EPB41L1: variants seen among roughly 807,000 people sequenced by gnomAD.
The protein encoded by EPB41L1 is erythrocyte membrane protein band 4.1 like 1.
In EPB41L1, 29 loss-of-function variants were observed where a neutral mutation model predicts 97.8. The observed-to-expected ratio is 0.30, with a 90% CI of 0.22 to 0.40. The LOEUF (loss-of-function observed/expected upper bound fraction) is 0.40. Among genes scored for constraint, EPB41L1 ranks in the 10% least tolerant of loss-of-function variants. The pLI is 1.00. For synonymous variants in EPB41L1, 383 were observed against 459.2 expected, an observed-to-expected ratio of 0.83 and a Z score of 2.12; for missense variants, 812 against 1,162.3, an observed-to-expected ratio of 0.70 and a Z score of 4.38.
intron 3 of EPB41L1, among the ~76,000 whole-genome samples, chr20:36,176,545 C>T (rs2061239151): frequency 6.6e-6 from 1 of 152,112 alleles, no homozygotes. Context: ...GTGGCTTACT[C>T]CTGAGCCCTG....
chr20:36,118,863 C>T (rs891571486), intron 2 of EPB41L1, among the ~76,000 whole-genome samples: 3 of 152,106 alleles, frequency 2.0e-5, no homozygotes, highest in Non-Finnish European at 2.9e-5. Flanking sequence ...GTAAGGAGGA[C>T]TTAGGGCAAG....
chr20:36,155,017 C>T (rs1364270525), intron 1 of EPB41L1, 121 bp downstream of exon 1: 1 of 956,718 alleles, frequency 1.0e-6, no homozygotes, highest in Non-Finnish European at 1.4e-6. Context: ...GGCTGTTGGT[C>T]CCCTGGCCAG....
At chr20:36,225,851 T>G (rs1174675111) in intron 21 of EPB41L1, among the ~76,000 whole-genome samples, 1 of 152,160 alleles carries the variant, frequency 6.6e-6, no homozygotes, top group African/African-American at 2.4e-5. Flanking sequence ...CCCGCCGCGA[T>G]GCAGTCTTTC....
intron 13 of EPB41L1, among the ~76,000 whole-genome samples, chr20:36,196,186 G>A (rs571867649): frequency 3.9e-5 from 6 of 152,272 alleles, no homozygotes; most frequent in African/African-American, 1.4e-4. Context: ...TGAGATCTGG[G>A]TTTCAACCCC....
chr20:36,176,277 G>A (rs1401558226), intron 3 of EPB41L1, among the ~76,000 whole-genome samples: 3 of 152,220 alleles, frequency 2.0e-5, no homozygotes, highest in African/African-American at 7.2e-5. Flanking sequence ...CCCCATGGTG[G>A]TGACACAGCA....
chr20:36,132,933 T>C (rs2059274606), intron 2 of EPB41L1, among the ~76,000 whole-genome samples: 1 of 152,256 alleles, frequency 6.6e-6, no homozygotes, highest in Admixed American at 6.5e-5. Flanking sequence ...GCTGTGTGTG[T>C]ACACGTGCTT....
chr20:36,228,257 G>C (rs955083276), intron 21 of EPB41L1, among the ~76,000 whole-genome samples: 1 of 152,220 alleles, frequency 6.6e-6, no homozygotes. Flanking sequence ...TCAGAGTAGT[G>C]TGTGGTTAAA....
intron 21 of EPB41L1, among the ~76,000 whole-genome samples, chr20:36,225,740 C>T (rs1405495507): frequency 1.3e-5 from 2 of 152,104 alleles, no homozygotes; most frequent in Non-Finnish European, 2.9e-5. Flanking sequence ...CTCACGCCTC[C>T]TCATCTTTCC....
At chr20:36,112,200 C>T (rs1404539396) in intron 1 of EPB41L1, among the ~76,000 whole-genome samples, 8 of 152,244 alleles carry the variant, frequency 5.3e-5, no homozygotes, top group Admixed American at 5.2e-4. Flanking sequence ...CGAATCTTCT[C>T]CTTGGCCTCC....
chr20:36,100,988 T>A (rs936995101), intron 1 of EPB41L1, among the ~76,000 whole-genome samples: 1 of 152,176 alleles, frequency 6.6e-6, no homozygotes, highest in South Asian at 2.1e-4. Context: ...ACAGGGCCCA[T>A]CTGAAGGTAC....
Position 36,135,233 on chromosome 20 carries a change from A to T in EPB41L1, c.-10+22753A>T, listed in dbSNP as rs147305714. On this transcript the variant is annotated intron_variant, in intron 2 of 19. Coordinates refer to the EPB41L1 transcript ENST00000202028. ...AAATATTACGTTTACTTCTCTTAAA[A>T]CCATATGAGGTATGTATATGGTCAT... Among the ~76,000 whole-genome samples the T allele has an allele frequency of 3.1e-3, 474 of 152,158 alleles. 7 individuals are homozygous for T. The highest frequency in any genetic ancestry group is 0.011 in the African/African-American group (447 of 41,538).
intron 11 of EPB41L1, among the ~76,000 whole-genome samples, chr20:36,192,260 C>T (rs2061989735): frequency 6.6e-6 from 1 of 151,920 alleles, no homozygotes; most frequent in Admixed American, 6.6e-5. Flanking sequence ...AGGCCAGGCA[C>T]AGTGGCTCAC....
chr20:36,191,174 C>G (rs548452392), intron 11 of EPB41L1, among the ~76,000 whole-genome samples: 1 of 152,254 alleles, frequency 6.6e-6, no homozygotes, highest in East Asian at 1.9e-4. Context: ...ACCCTCCTCC[C>G]CTGCATCCCT....
rs1482026881 is a variant in EPB41L1 at position 36,230,374 on chromosome 20, G to A, written c.*1034G>A. 6.6e-6 allele frequency: 1 copy of A among 152,614 alleles called. No individual in the cohort carries two copies. Among genetic ancestry groups the A allele is most frequent in the East Asian group, 1.9e-4 (1 of 5,202 alleles). 9.5% of individuals were successfully genotyped at this position (152,614 alleles called of 1,614,324 possible). On this transcript the variant is annotated 3_prime_UTR_variant, in exon 22 of 22. Coordinates refer to ENST00000338074, the MANE Select transcript of EPB41L1 (RefSeq NM_012156.2). ...AAATTATAATTATCTGACTGTGATT[G>A]ATGTATCCTGAGGTTCCTAGATCTC... is the stretch of plus-strand genomic sequence containing the variant.
intron 2 of EPB41L1, among the ~76,000 whole-genome samples, chr20:36,123,676 C>A (rs1172064080): frequency 1.3e-5 from 2 of 152,198 alleles, no homozygotes; most frequent in Admixed American, 6.5e-5. Context: ...AGGTGATCCA[C>A]CCACCTTGGC....
At position 36,212,448 on chromosome 20, in the gene EPB41L1, G is replaced by A. The variant is rs950114529; in HGVS notation, c.2184+72G>A. ...TGGTGGTAGGGTCCCCACTGCTGTG[G>A]CCAAACCCCTTGGCCAGCTCTTTTA... On this transcript the variant is annotated intron_variant, in intron 16 of 21. Coordinates refer to ENST00000338074, the MANE Select transcript of EPB41L1 (RefSeq NM_012156.2). This position sits in a 1 kb window ranked among gnomAD's most constrained non-coding sequence, Gnocchi z 4.8. 1.3e-4 allele frequency: 167 copies of A among 1,316,656 alleles called. No individual in the cohort carries two copies. Among genetic ancestry groups the A allele is most frequent in the Middle Eastern group, 3.7e-4 (2 of 5,414 alleles). The allele number at this position is 1,316,656 out of a possible 1,614,324, so 81.6% of individuals were successfully genotyped here. A position where few individuals can be genotyped will look rare whatever the true frequency, so the allele number is the denominator to read the frequency against.
At chr20:36,122,043 G>A (rs946552460) in intron 2 of EPB41L1, among the ~76,000 whole-genome samples, 23 of 152,192 alleles carry the variant, frequency 1.5e-4, no homozygotes, top group African/African-American at 5.1e-4. Context: ...GCCTGGTGTC[G>A]TGTGCTCAGC....
intron 2 of EPB41L1, among the ~76,000 whole-genome samples, chr20:36,131,659 T>A (rs1600478806): frequency 6.6e-6 from 1 of 152,240 alleles, no homozygotes; most frequent in Middle Eastern, 3.4e-3. Flanking sequence ...CATGAAAGCA[T>A]GGAAGACACT....
intron 19 of EPB41L1, among the ~76,000 whole-genome samples, chr20:36,221,532 G>C (rs1043098504): frequency 6.6e-6 from 1 of 152,158 alleles, no homozygotes; most frequent in African/African-American, 2.4e-5. Flanking sequence ...AGGCAGAGAG[G>C]TCCAGAACTG....
Sources: allele counts gnomAD v4.1 joint callset (sites outside exome capture counted in the v4.1 genomes callset), GRCh38; gene constraint gnomAD v4.1.1; non-coding constraint Gnocchi (gnomAD v3.1); transcripts MANE v1.5; gene names NCBI Gene and HGNC (gene_info 2026-07-23, HGNC 2026-07-21).